SLC25A21: variants seen among roughly 807,000 people sequenced by gnomAD.
SLC25A21 encodes mitochondrial 2-oxodicarboxylate carrier.
In SLC25A21, 47 loss-of-function variants were observed where a neutral mutation model predicts 43.8. The ratio of observed to expected loss-of-function variants is 1.07; its 90% confidence interval spans 0.85 to 1.37. SLC25A21 has a LOEUF of 1.37. Among genes scored for constraint, SLC25A21 ranks in the 40% most tolerant of loss-of-function variants. The pLI is 0.00. For synonymous variants in SLC25A21, 131 were observed against 121.3 expected, an observed-to-expected ratio of 1.08 and a Z score of -0.52; for missense variants, 352 against 350.2, an observed-to-expected ratio of 1.00 and a Z score of -0.04.
At chr14:37,160,589 G>T (rs911356923) in intron 1 of SLC25A21, among the ~76,000 whole-genome samples, 10 of 152,036 alleles carry the variant, frequency 6.6e-5, no homozygotes, top group Non-Finnish European at 1.0e-4. Context: ...GGAGGGCAAG[G>T]ATAAAGAGAA....
chr14:37,135,425 A>T (rs2138912003), intron 1 of SLC25A21, among the ~76,000 whole-genome samples: 1 of 151,858 alleles, frequency 6.6e-6, no homozygotes, highest in Non-Finnish European at 1.5e-5. Flanking sequence ...AAAACGTTTT[A>T]ATAGTTACCC....
At chr14:37,144,325 G>C (rs1963622406) in intron 1 of SLC25A21, among the ~76,000 whole-genome samples, 1 of 152,148 alleles carries the variant, frequency 6.6e-6, no homozygotes, top group African/African-American at 2.4e-5. Context: ...TTCAAAAAAT[G>C]TTATGCAATT....
chr14:36,742,290 T>C (rs953459461), intron 3 of SLC25A21, among the ~76,000 whole-genome samples: 1 of 152,198 alleles, frequency 6.6e-6, no homozygotes, highest in Non-Finnish European at 1.5e-5. Context: ...TTTACCCACA[T>C]GCTGTGGTTC....
chr14:37,159,051 A>C (rs1306839514), intron 1 of SLC25A21, among the ~76,000 whole-genome samples: 2 of 152,132 alleles, frequency 1.3e-5, no homozygotes, highest in Non-Finnish European at 2.9e-5. Flanking sequence ...CTATACAAGG[A>C]AAACTACAAA....
At chr14:36,779,218 C>T (rs1886944324) in intron 3 of SLC25A21, among the ~76,000 whole-genome samples, 1 of 145,100 alleles carries the variant, frequency 6.9e-6, no homozygotes, top group South Asian at 2.1e-4. Context: ...ACATATATTA[C>T]ATATTCTTAT....
At chr14:37,084,731 T>C (rs77736463) in intron 1 of SLC25A21, among the ~76,000 whole-genome samples, 8,225 of 152,196 alleles carry the variant, frequency 0.054, 751 homozygotes, top group African/African-American at 0.19. Flanking sequence ...TCACTTTGGG[T>C]ACAGTTTGTG....
intron 3 of SLC25A21, among the ~76,000 whole-genome samples, chr14:36,745,966 G>A (rs925149093): frequency 6.6e-6 from 1 of 152,084 alleles, no homozygotes; most frequent in African/African-American, 2.4e-5. Context: ...AGATGTTGAT[G>A]GAGATGCAGA....
intron 1 of SLC25A21, among the ~76,000 whole-genome samples, chr14:36,976,317 G>C (rs74727371): frequency 0.038 from 5,785 of 152,088 alleles, 251 homozygotes; most frequent in East Asian, 0.14. Flanking sequence ...ATCAGTACTG[G>C]GCAAGGGGCA....
intron 1 of SLC25A21, among the ~76,000 whole-genome samples, chr14:36,916,439 G>A (rs1167949695): frequency 6.6e-6 from 1 of 152,040 alleles, no homozygotes; most frequent in Non-Finnish European, 1.5e-5. Flanking sequence ...TACTGTTTTA[G>A]CACAAAACAA....
chr14:37,099,799 G>A (rs906539653), intron 1 of SLC25A21, among the ~76,000 whole-genome samples: 10 of 152,096 alleles, frequency 6.6e-5, no homozygotes, highest in Middle Eastern at 3.4e-3. Flanking sequence ...TTCAGAACCC[G>A]GAGCTCTGAG....
chr14:36,813,778 A>G (rs1888355262), intron 3 of SLC25A21, 140 bp downstream of exon 3: 9 of 632,238 alleles, frequency 1.4e-5, no homozygotes, highest in Non-Finnish European at 2.5e-5. Context: ...CAATCACATT[A>G]TTAGGAAAAA....
intron 5 of SLC25A21, among the ~76,000 whole-genome samples, chr14:36,726,502 C>G (rs1430742139): frequency 1.3e-5 from 2 of 151,806 alleles, no homozygotes; most frequent in Non-Finnish European, 2.9e-5. Flanking sequence ...AAAGAAATGA[C>G]TAGGTTATTC....
chr14:37,004,423 C>T (rs146923296), intron 1 of SLC25A21, among the ~76,000 whole-genome samples: 1 of 152,308 alleles, frequency 6.6e-6, no homozygotes, highest in Non-Finnish European at 1.5e-5. Flanking sequence ...AGAGTCAACA[C>T]ATGCATTTCA....
chr14:36,875,144 A>C (rs1238006308), intron 1 of SLC25A21, 140 bp from the exon 2 acceptor site: 3 of 524,756 alleles, frequency 5.7e-6, no homozygotes, highest in Non-Finnish European at 1.0e-5. Context: ...GTAATAGGCT[A>C]GTGGCAAAAG....
At chr14:36,877,084 T>C (rs1890557086) in intron 1 of SLC25A21, among the ~76,000 whole-genome samples, 1 of 152,146 alleles carries the variant, frequency 6.6e-6, no homozygotes, top group Admixed American at 6.5e-5. Context: ...CCACACACTG[T>C]AGCAGAAATT....
intron 2 of SLC25A21, among the ~76,000 whole-genome samples, chr14:36,859,377 T>A (rs1212263043): frequency 6.6e-6 from 1 of 152,188 alleles, no homozygotes; most frequent in Non-Finnish European, 1.5e-5. Context: ...AATAAGATAT[T>A]GTGTGCACTA....
chr14:36,831,389 A>G (rs1889032855), intron 2 of SLC25A21, among the ~76,000 whole-genome samples: 1 of 152,232 alleles, frequency 6.6e-6, no homozygotes, highest in African/African-American at 2.4e-5. Flanking sequence ...AAATGTGGCT[A>G]TTAGCAAATG....
intron 1 of SLC25A21, among the ~76,000 whole-genome samples, chr14:36,961,973 G>A (rs1260308756): frequency 6.6e-6 from 1 of 152,072 alleles, no homozygotes; most frequent in Non-Finnish European, 1.5e-5. Flanking sequence ...GCAATTAGGG[G>A]TGCCACTTCC....
chr14:36,802,535 T>C (rs531035600), intron 3 of SLC25A21, among the ~76,000 whole-genome samples: 2 of 152,262 alleles, frequency 1.3e-5, no homozygotes, highest in South Asian at 2.1e-4. Flanking sequence ...AAAACTGAAG[T>C]ACAATGAGGT....
Sources: allele counts gnomAD v4.1 joint callset (sites outside exome capture counted in the v4.1 genomes callset), GRCh38; gene constraint gnomAD v4.1.1; transcripts MANE v1.5; gene names NCBI Gene and HGNC (gene_info 2026-07-23, HGNC 2026-07-21).